Variants in ZBED1 observed in about 807,000 individuals in gnomAD.
ZBED1 encodes the protein E3 SUMO-protein ligase ZBED1.
Under a neutral mutation model 49.7 loss-of-function variants are expected in ZBED1, and 19 were observed. The ratio of observed to expected loss-of-function variants is 0.38; its 90% CI spans 0.27 to 0.56. The LOEUF is 0.56. Ranked by LOEUF, ZBED1 falls within the 20% of genes least tolerant of loss-of-function variation. The pLI, the probability that ZBED1 is intolerant of heterozygous loss-of-function variation, is 0.70. For missense variants in ZBED1, 806 were observed against 972.6 expected (o/e 0.83, Z 2.28); for synonymous variants, 439 against 440.3 (o/e 1.00, Z 0.04).
intron 1 of ZBED1, among the ~76,000 whole-genome samples, chrX:2,491,562 C>T (rs2045146631): frequency 6.6e-6 from 1 of 152,342 alleles, no homozygotes; most frequent in East Asian, 1.9e-4. Context: ...GAGCTTCATT[C>T]ACTGCATTAA....
intron 1 of ZBED1, 53 bp from the exon 2 acceptor site, chrX:2,490,825 G>T: frequency 6.8e-7 from 1 of 1,480,850 alleles, no homozygotes. Flanking sequence ...GCACGCACGG[G>T]AGCCCTGCCG....
At chrX:2,499,093 CG>C (rs1360702971) in intron 1 of ZBED1, among the ~76,000 whole-genome samples, 2 of 152,098 alleles carry the variant, frequency 1.3e-5, no homozygotes, top group African/African-American at 4.8e-5. Flanking sequence ...ACTCCAGGCA[CG>C]CTTCTCAAAG....
chrX:2,488,443 G>A lies in ZBED1; in HGVS notation c.*192C>T. On this transcript the variant is annotated 3_prime_UTR_variant, in exon 2 of 2. Coordinates refer to ENST00000652001, the MANE Select transcript of ZBED1 (RefSeq NM_001171136.2). ...GCCCACCTCGGCCTCCCAAAGTGCT[G>A]CGATTATAGACAGGAGCCACCGCCC... 1.4e-6 allele frequency: 1 copy of A among 699,086 alleles called. No individual in the cohort carries two copies. The highest frequency in any genetic ancestry group is 2.2e-6 in the Non-Finnish European group (1 of 449,996). 43.3% of individuals were successfully genotyped at this position (699,086 alleles called of 1,614,324 possible).
intron 1 of ZBED1, among the ~76,000 whole-genome samples, chrX:2,496,912 A>C (rs2045300216): frequency 6.7e-6 from 1 of 149,630 alleles, no homozygotes. Flanking sequence ...AAATATAAAA[A>C]CAATAAATAT....
chrX:2,495,235 A>G (rs1440452319), intron 1 of ZBED1, among the ~76,000 whole-genome samples: 1 of 151,314 alleles, frequency 6.6e-6, no homozygotes, highest in African/African-American at 2.4e-5. Context: ...TTTGGCTGAA[A>G]GACGTTCCAG....
intron 1 of ZBED1, among the ~76,000 whole-genome samples, chrX:2,495,111 T>C (rs1197955246): frequency 1.3e-5 from 2 of 150,926 alleles, no homozygotes; most frequent in South Asian, 2.1e-4. Flanking sequence ...CAAAGGTTTA[T>C]ATTCTATCAT....
At position 2,488,464 on chromosome X, in the gene ZBED1, C is replaced by T. The variant is rs1406575376; in HGVS notation, c.*171G>A. ...TGCTGCGATTATAGACAGGAGCCAC[C>T]GCCCCCGACCCTCTCTCACTTCTCA... On this transcript the variant is annotated 3_prime_UTR_variant, in exon 2 of 2. Transcript: ENST00000652001. The T allele has an allele frequency of 1.4e-4, 123 of 895,662 alleles. No homozygotes were observed. The highest frequency in any genetic ancestry group is 1.9e-4 in the Non-Finnish European group (117 of 617,610). The allele number at this position is 895,662 out of a possible 1,614,324, so 55.5% of individuals were successfully genotyped here.
chrX:2,486,740 G>A lies in ZBED1; in HGVS notation c.*1895C>T, dbSNP rs903897015. The A allele has an allele frequency of 3.3e-5, 5 of 152,242 alleles. No individual in the cohort carries two copies. The highest frequency in any genetic ancestry group is 4.1e-4 in the South Asian group (2 of 4,834). 9.4% of individuals were successfully genotyped at this position (152,242 alleles called of 1,614,324 possible). A position where few individuals can be genotyped will look rare whatever the true frequency, so the allele number is the denominator to read the frequency against. On this transcript the variant is annotated 3_prime_UTR_variant, in exon 2 of 2. Coordinates refer to ENST00000652001, the MANE Select transcript of ZBED1 (RefSeq NM_001171136.2). Reference sequence around the variant, plus strand: ...AGCTGCCCTTCTGCCGAGAACACCCGGAGCTGAGGGTTCCAAGTTCACGGC... The same window carrying A: ...AGCTGCCCTTCTGCCGAGAACACCCAGAGCTGAGGGTTCCAAGTTCACGGC...
Position 2,490,347 on chromosome X carries a change from C to T in ZBED1, c.373G>A (p.Glu125Lys), listed in dbSNP as rs2045102271. 21 of 1,613,238 alleles carry T rather than the reference C, an allele frequency of 1.3e-5. No homozygotes were observed. Among genetic ancestry groups the T allele is most frequent in the Non-Finnish European group, 1.7e-5 (20 of 1,179,812 alleles). Residue 125 changes from glutamate to lysine, a missense_variant, in exon 2 of 2, where the codon GAG (glutamate) becomes AAG (lysine). Glu to Lys is a moderately conservative substitution (Grantham distance 56). Transcript: ENST00000652001. ...GHGYDSKKQQELTAAVLGLIC... is the reference protein window; with the variant it reads ...GHGYDSKKQQKLTAAVLGLIC... ...AGGCCCAGCACGGCGGCCGTCAGCT[C>T]CTGCTGCTTCTTGCTGTCGTAGCCG... is the stretch of plus-strand genomic sequence containing the variant.
At chrX:2,494,796 T>G (rs1161328888) in intron 1 of ZBED1, among the ~76,000 whole-genome samples, 2 of 151,980 alleles carry the variant, frequency 1.3e-5, no homozygotes, top group African/African-American at 2.4e-5. Flanking sequence ...GAGGTCCCAG[T>G]ACCTAGAAGA....
chrX:2,496,550 T>C, intron 1 of ZBED1, among the ~76,000 whole-genome samples: 1 of 152,314 alleles, frequency 6.6e-6, no homozygotes. Flanking sequence ...GCTTGGGTGA[T>C]GGGTGCACCA....
In ZBED1 at chrX:2,487,895, T is replaced by G. The variant is rs1303828567; in HGVS notation, c.*740A>C. The G allele has an allele frequency of 3.3e-5, 5 of 151,922 alleles. No homozygotes were observed. In the East Asian group the frequency reaches 5.8e-4, roughly 18 times the overall value. The allele number at this position is 151,922 out of a possible 1,614,324, so 9.4% of individuals were successfully genotyped here. A position where few individuals can be genotyped will look rare whatever the true frequency, so the allele number is the denominator to read the frequency against. On this transcript the variant is annotated 3_prime_UTR_variant, in exon 2 of 2. Transcript: ENST00000652001. ...CAAGAGGTCCCTGCTTGCACGAGAA[T>G]GTAAACATGAATTCAGTGATCTGGA...
At chrX:2,493,239 C>A (rs2045201876) in intron 1 of ZBED1, among the ~76,000 whole-genome samples, 1 of 152,184 alleles carries the variant, frequency 6.6e-6, no homozygotes, top group Admixed American at 6.5e-5. Flanking sequence ...ATTACACAGT[C>A]AACGGAGGGG....
intron 1 of ZBED1, among the ~76,000 whole-genome samples, chrX:2,498,239 GAA>G (rs1383946010): frequency 6.6e-6 from 1 of 152,132 alleles, no homozygotes; most frequent in Non-Finnish European, 1.5e-5. Flanking sequence ...GAAGTTCTAA[GAA>G]AAAACTGCCC....
At chrX:2,493,028 T>A (rs2045195295) in intron 1 of ZBED1, among the ~76,000 whole-genome samples, 1 of 152,214 alleles carries the variant, frequency 6.6e-6, no homozygotes, top group Non-Finnish European at 1.5e-5. Context: ...CGCCGCCACG[T>A]GCCAGGTGAG....
chrX:2,491,073 T>TTG (rs1277034850), intron 1 of ZBED1, among the ~76,000 whole-genome samples: 1 of 123,480 alleles, frequency 8.1e-6, no homozygotes, highest in East Asian at 2.2e-4. Flanking sequence ...TTAGTTTTTT[T>TTG]TTTTTTTTTT....
chrX:2,498,167 T>C (rs1472836124), intron 1 of ZBED1, among the ~76,000 whole-genome samples: 2 of 152,192 alleles, frequency 1.3e-5, no homozygotes, highest in Non-Finnish European at 2.9e-5. Flanking sequence ...AGTCAACTCA[T>C]GTGGAAGGTG....
chrX:2,499,216 G>A (rs770359818), intron 1 of ZBED1, among the ~76,000 whole-genome samples: 106 of 152,220 alleles, frequency 7.0e-4, no homozygotes, highest in African/African-American at 2.5e-3. Context: ...GTCTCCCAGA[G>A]GCGTGCAGTA....
chrX:2,492,375 C>T (rs936968568), intron 1 of ZBED1, among the ~76,000 whole-genome samples: 37 of 151,972 alleles, frequency 2.4e-4, no homozygotes, highest in African/African-American at 7.0e-4. Context: ...AAACCCAGAA[C>T]GCCTGGAGCC....
Sources: allele counts gnomAD v4.1 joint callset (sites outside exome capture counted in the v4.1 genomes callset), GRCh38; gene constraint gnomAD v4.1.1; transcripts MANE v1.5; gene names NCBI Gene and HGNC (gene_info 2026-07-23, HGNC 2026-07-21).